ABCB11: variants seen among roughly 807,000 people sequenced by gnomAD.
ABCB11 encodes ATP binding cassette subfamily B member 11, also known as bile salt export pump.
In ABCB11, 95 loss-of-function variants were observed where a neutral mutation model predicts 148.0. The ratio of observed to expected loss-of-function variants is 0.64; its 90% CI spans 0.54 to 0.76. The LOEUF (loss-of-function observed/expected upper bound fraction) is 0.76, where lower values mean the gene tolerates loss of function less well. Among genes scored for constraint, ABCB11 ranks in the 30% least tolerant of loss-of-function variants. The probability of loss-of-function intolerance (pLI) is 0.00; values close to 1 mark genes in which losing one functional copy is unlikely to be tolerated. For synonymous variants in ABCB11, 591 were observed against 555.4 expected, an observed-to-expected ratio of 1.06 and a Z score of -0.90; for missense variants, 1,523 against 1,617.8, an observed-to-expected ratio of 0.94 and a Z score of 1.01.
At chr2:168,959,352 T>C (rs1692949171) in intron 18 of ABCB11, among the ~76,000 whole-genome samples, 1 of 151,670 alleles carries the variant, frequency 6.6e-6, no homozygotes, top group African/African-American at 2.4e-5. Flanking sequence ...TTACTAGCTC[T>C]AGGCAACCTA....
chr2:168,996,657 A>G lies in ABCB11; in HGVS notation c.455T>C (p.Val152Ala). Residue 152 changes from valine to alanine, a missense_variant, in exon 6 of 28, where the codon GTA (valine) becomes GCA (alanine). Physicochemically the swap from Val to Ala is moderately conservative, Grantham distance 64. Coordinates refer to ENST00000650372, the MANE Select transcript of ABCB11 (RefSeq NM_003742.4). ...AACTTGAATATATCCTGTGATAAGT[A>G]CTGCGACAGCAATTCCAGCATAGTA... is the stretch of plus-strand genomic sequence containing the variant. ...ASYYAGIAVAVLITGYIQICF... is the reference protein window; with the variant it reads ...ASYYAGIAVAALITGYIQICF... The G allele has an allele frequency of 6.4e-7, 1 of 1,566,410 alleles. No homozygotes were observed.
chr2:168,991,231 G>T (rs2106005678), intron 8 of ABCB11, among the ~76,000 whole-genome samples: 1 of 152,238 alleles, frequency 6.6e-6, no homozygotes, highest in African/African-American at 2.4e-5. Flanking sequence ...AAAGTGTTAA[G>T]TTAGACCATG....
chr2:168,926,242 C>A (rs543275756), intron 26 of ABCB11, among the ~76,000 whole-genome samples: 10 of 152,096 alleles, frequency 6.6e-5, no homozygotes, highest in African/African-American at 2.4e-4. Flanking sequence ...GTCAATATTG[C>A]GCGAAATCTG....
chr2:168,948,869 C>A (rs1692442759), intron 19 of ABCB11, among the ~76,000 whole-genome samples: 1 of 151,604 alleles, frequency 6.6e-6, no homozygotes, highest in Non-Finnish European at 1.5e-5. Flanking sequence ...ACACGATGGA[C>A]TTGATTTTGT....
At chr2:168,919,975 C>G (rs186370127), downstream of ABCB11, among the ~76,000 whole-genome samples, 10 of 152,184 alleles carry the variant, frequency 6.6e-5, no homozygotes, top group Admixed American at 4.6e-4. Flanking sequence ...TGAACTCAAG[C>G]AATCACCCCA....
chr2:168,977,419 C>G (rs1470883547), intron 11 of ABCB11, among the ~76,000 whole-genome samples: 1 of 152,076 alleles, frequency 6.6e-6, no homozygotes, highest in Non-Finnish European at 1.5e-5. Flanking sequence ...ATGATGTGTT[C>G]AAATGCTACC....
chr2:169,014,286 C>G lies in ABCB11; in HGVS notation c.150+17G>C. ...TAGCTGCACACCCACTGCCATAAATCAACACAGTTTTATTACCAATTGAAA... is the reference window on the plus strand; with the variant it reads ...TAGCTGCACACCCACTGCCATAAATGAACACAGTTTTATTACCAATTGAAA... On this transcript the variant is annotated intron_variant, in intron 4 of 27. Transcript: ENST00000650372. The G allele has an allele frequency of 6.2e-7, 1 of 1,610,744 alleles. No individual in the cohort carries two copies. Among genetic ancestry groups the G allele is most frequent in the African/African-American group, 1.3e-5 (1 of 74,908 alleles).
chr2:168,950,091 C>CTA lies in ABCB11; in HGVS notation c.2344-5132_2344-5131dup, dbSNP rs146618078. ...GTGTAAGTTAATACTTAATAAACTC[C>CTA]TATATATATATAAAATGATATATAT... On this transcript the variant is annotated intron_variant, in intron 19 of 27. Coordinates refer to ENST00000650372, the MANE Select transcript of ABCB11 (RefSeq NM_003742.4). Among the ~76,000 whole-genome samples, 149 of 148,502 alleles carry CTA rather than the reference C, an allele frequency of 1.0e-3. 3 individuals carry two copies. The East Asian group carries it at 0.026, about 26-fold the overall frequency.
At chr2:168,932,180 C>T (rs1415114544) in intron 24 of ABCB11, among the ~76,000 whole-genome samples, 197 bp downstream of exon 24, 1 of 152,046 alleles carries the variant, frequency 6.6e-6, no homozygotes, top group Non-Finnish European at 1.5e-5. Context: ...CCTGACAGGC[C>T]CCGGTGTGTG....
At chr2:169,020,201 T>G (rs1695493679) in intron 1 of ABCB11, among the ~76,000 whole-genome samples, 1 of 152,206 alleles carries the variant, frequency 6.6e-6, no homozygotes, top group African/African-American at 2.4e-5. Context: ...CTGAGGACAT[T>G]GTTTTATAAT....
intron 23 of ABCB11, among the ~76,000 whole-genome samples, chr2:168,932,735 G>C (rs926267879): frequency 2.0e-5 from 3 of 152,144 alleles, no homozygotes; most frequent in African/African-American, 7.2e-5. Context: ...TATGAAAAAG[G>C]AGTAAGAAGA....
intron 25 of ABCB11, 101 bp from the exon 26 acceptor site, chr2:168,927,463 C>A: frequency 1.0e-6 from 1 of 954,476 alleles, no homozygotes. Context: ...ATTTGGTTTG[C>A]TTAACAGACT....
intron 10 of ABCB11, among the ~76,000 whole-genome samples, chr2:168,980,898 C>T (rs1027254871): frequency 5.9e-5 from 9 of 152,138 alleles, no homozygotes; most frequent in Non-Finnish European, 1.3e-4. Flanking sequence ...GAGGCAAATC[C>T]TCAAGTTGGC....
rs1027194819 is a variant in ABCB11, at chr2:168,920,968, T to C, written c.*2654A>G. ...GTACTAATTCCTCTTTCAGACTCCA[T>C]AAATTCCTTTCCAGGAAACTGGCCA... On this transcript the variant is annotated 3_prime_UTR_variant, in exon 28 of 28. Transcript: ENST00000650372. 3.9e-5 allele frequency among the ~76,000 whole-genome samples: 6 copies of C among 152,226 alleles called. No individual in the cohort carries two copies. The highest frequency in any genetic ancestry group is 1.4e-4 in the African/African-American group (6 of 41,452).
chr2:168,965,679 G>A (rs1025008404), intron 17 of ABCB11, among the ~76,000 whole-genome samples: 2 of 151,850 alleles, frequency 1.3e-5, no homozygotes, highest in Non-Finnish European at 2.9e-5. Flanking sequence ...AGTAAATGGT[G>A]TAAAGAGAGA....
intron 5 of ABCB11, among the ~76,000 whole-genome samples, chr2:169,007,071 G>C (rs1429298067): frequency 6.6e-6 from 1 of 152,104 alleles, no homozygotes; most frequent in African/African-American, 2.4e-5. Context: ...ACAATCCCTA[G>C]TAGTAGAATC....
At chr2:169,014,477 T>C in intron 3 of ABCB11, 123 bp from the exon 4 acceptor site, 1 of 918,624 alleles carries the variant, frequency 1.1e-6, no homozygotes, top group Non-Finnish European at 1.7e-6. Flanking sequence ...GCTGGAAAAT[T>C]CTGGCCAAAC....
downstream of ABCB11, among the ~76,000 whole-genome samples, chr2:168,919,630 T>TAAAA (rs1464965849): frequency 1.3e-3 from 195 of 151,054 alleles, 1 homozygote; most frequent in African/African-American, 4.5e-3. Context: ...CCTTATTTTT[T>TAAAA]AAAAAAAAAG....
At chr2:168,977,517 G>A (rs571059717) in intron 11 of ABCB11, among the ~76,000 whole-genome samples, 56 of 152,214 alleles carry the variant, frequency 3.7e-4, no homozygotes, top group South Asian at 1.4e-3. Context: ...TCAGAGAAAA[G>A]TGAGGGCCTC....
Sources: allele counts gnomAD v4.1 joint callset (sites outside exome capture counted in the v4.1 genomes callset), GRCh38; gene constraint gnomAD v4.1.1; transcripts MANE v1.5; gene names NCBI Gene and HGNC (gene_info 2026-07-23, HGNC 2026-07-21).